PLA2G4A: variants seen among roughly 807,000 people sequenced by gnomAD.
PLA2G4A encodes the protein cytosolic phospholipase A2.
Under a neutral mutation model 81.9 loss-of-function variants are expected in PLA2G4A, and 40 were observed. The observed-to-expected ratio is 0.49, with a 90% CI of 0.38 to 0.64. The LOEUF is 0.64. Ranked by LOEUF, PLA2G4A falls within the 30% of genes least tolerant of loss-of-function variation. The pLI, the probability that PLA2G4A is intolerant of heterozygous loss-of-function variation, is 0.00. For synonymous variants in PLA2G4A, 302 were observed against 296.9 expected, an observed-to-expected ratio of 1.02 and a Z score of -0.18; for missense variants, 715 against 905.1, an observed-to-expected ratio of 0.79 and a Z score of 2.69.
chr1:186,975,020 C>G (rs1448345808), intron 15 of PLA2G4A, among the ~76,000 whole-genome samples: 1 of 152,218 alleles, frequency 6.6e-6, no homozygotes, highest in Non-Finnish European at 1.5e-5. Flanking sequence ...CCACACATCA[C>G]TGGTCATACC....
chr1:186,928,112 A>G (rs569992590), intron 7 of PLA2G4A, among the ~76,000 whole-genome samples: 24 of 152,200 alleles, frequency 1.6e-4, no homozygotes, highest in African/African-American at 5.8e-4. Flanking sequence ...TGGGATATAA[A>G]CAGCCAAGGA....
chr1:186,979,287 C>T (rs1468127227), intron 16 of PLA2G4A, 28 bp from the exon 17 acceptor site: 3 of 1,572,360 alleles, frequency 1.9e-6, no homozygotes, highest in Non-Finnish European at 2.6e-6. Flanking sequence ...TTCAAAATAA[C>T]ACCCTTTGTG....
At chr1:186,876,005 C>T (rs1054760924) in intron 3 of PLA2G4A, among the ~76,000 whole-genome samples, 1 of 152,036 alleles carries the variant, frequency 6.6e-6, no homozygotes, top group African/African-American at 2.4e-5. Context: ...TTTTAGACCA[C>T]GTGCTTTCTT....
intron 14 of PLA2G4A, among the ~76,000 whole-genome samples, chr1:186,963,748 T>C (rs867930658): frequency 1.3e-5 from 2 of 152,216 alleles, no homozygotes; most frequent in African/African-American, 4.8e-5. Context: ...TTTTAATAGA[T>C]GTAAGGAAAC....
rs560558865 is a variant in PLA2G4A, at chr1:186,932,755, C to G, written c.559-8C>G. On this transcript the variant is annotated splice_region_variant and splice_polypyrimidine_tract_variant and intron_variant, in intron 7 of 17. Transcript: ENST00000367466. ...TTGTGTACAAATCTCTCTGTTGCAT[C>G]GTTTCAGGTGCCTGTGGTAGCCATA... The G allele has an allele frequency of 3.1e-6, 5 of 1,612,914 alleles. No homozygotes were observed. The South Asian group carries it at 4.4e-5, about 14-fold the overall frequency.
At position 186,946,754 on chromosome 1, in the gene PLA2G4A, A is replaced by G. The variant is rs770521684; in HGVS notation, c.1151A>G (p.Asn384Ser). The change falls in exon 11 of 18, where the codon AAC (asparagine) becomes AGC (serine). Residue 384 changes from asparagine to serine, a missense_variant. By Grantham distance (46) the Asn-to-Ser change is conservative. Coordinates refer to ENST00000367466, the MANE Select transcript of PLA2G4A (RefSeq NM_024420.3). ...ACAGTCGTTAAGAAGTATGAAGAAA[A>G]CCCCTTGCATTTCTTAATGGGTAAG... ...MGTVVKKYEENPLHFLMGVWG... is the reference protein window; with the variant it reads ...MGTVVKKYEESPLHFLMGVWG... The G allele has an allele frequency of 7.4e-6, 12 of 1,611,836 alleles. No homozygotes were observed. The South Asian group carries it at 1.1e-4, about 15-fold the overall frequency.
chr1:186,935,657 A>G (rs937947762), intron 8 of PLA2G4A, among the ~76,000 whole-genome samples: 4 of 152,124 alleles, frequency 2.6e-5, no homozygotes, highest in Admixed American at 6.6e-5. Flanking sequence ...GGTGGCCAGG[A>G]TGATTCATGT....
chr1:186,900,407 C>A (rs765329244), intron 5 of PLA2G4A, among the ~76,000 whole-genome samples: 3 of 152,078 alleles, frequency 2.0e-5, no homozygotes, highest in Non-Finnish European at 2.9e-5. Context: ...TATAATTGAC[C>A]AGATTTAACT....
chr1:186,971,334 CA>C (rs931979067), intron 15 of PLA2G4A, among the ~76,000 whole-genome samples: 1 of 151,868 alleles, frequency 6.6e-6, no homozygotes, highest in Non-Finnish European at 1.5e-5. Context: ...AGCATGTCTC[CA>C]ATCACTCCTT....
chr1:186,936,069 C>T (rs1655932727), intron 8 of PLA2G4A, among the ~76,000 whole-genome samples: 1 of 151,928 alleles, frequency 6.6e-6, no homozygotes, highest in Non-Finnish European at 1.5e-5. Context: ...GTACAGCTTT[C>T]TTCCTCAGCT....
chr1:186,963,113 C>T (rs1276372497), intron 14 of PLA2G4A, among the ~76,000 whole-genome samples: 1 of 152,034 alleles, frequency 6.6e-6, no homozygotes, highest in East Asian at 1.9e-4. Context: ...TATGAAATTT[C>T]TGATACATAA....
intron 7 of PLA2G4A, among the ~76,000 whole-genome samples, chr1:186,919,655 C>A (rs1655274692): frequency 6.6e-6 from 1 of 152,168 alleles, no homozygotes; most frequent in African/African-American, 2.4e-5. Context: ...CACCTGACTG[C>A]GGATCTTCCC....
At chr1:186,883,858 A>G (rs950550686) in intron 3 of PLA2G4A, among the ~76,000 whole-genome samples, 5 of 152,172 alleles carry the variant, frequency 3.3e-5, no homozygotes, top group African/African-American at 1.2e-4. Context: ...AGAGGACAGT[A>G]GGTTGGAAAC....
rs564674140 is a variant in PLA2G4A at position 186,838,180 on chromosome 1, A to G, written c.-70+9145A>G. Among the ~76,000 whole-genome samples the G allele has an allele frequency of 8.7e-4, 133 of 152,280 alleles. 1 individual carries two copies. Among genetic ancestry groups the G allele is most frequent in the African/African-American group, 2.9e-3 (122 of 41,542 alleles). On this transcript the variant is annotated intron_variant, in intron 1 of 17. Coordinates refer to ENST00000367466, the MANE Select transcript of PLA2G4A (RefSeq NM_024420.3). ...GAGAACCTCTGTGGGTTTTGAGAAT[A>G]TGGACTTAAATTAAAACTAGCCTTC...
At chr1:186,930,253 C>T (rs10158652) in intron 7 of PLA2G4A, among the ~76,000 whole-genome samples, 44,689 of 152,062 alleles carry the variant, frequency 0.29, 8,674 homozygotes, top group African/African-American at 0.54. Context: ...AATATCTGAA[C>T]ATTTTCCTTC....
chr1:186,891,339 C>A (rs1250359012), intron 3 of PLA2G4A, among the ~76,000 whole-genome samples: 1 of 152,028 alleles, frequency 6.6e-6, no homozygotes, highest in East Asian at 1.9e-4. Context: ...TTTAAGTGAA[C>A]AATTAGGTTA....
At chr1:186,857,588 TTA>T (rs1050336211) in intron 2 of PLA2G4A, among the ~76,000 whole-genome samples, 2 of 144,058 alleles carry the variant, frequency 1.4e-5, no homozygotes, top group African/African-American at 5.1e-5. Context: ...ATAAAATATA[TTA>T]TATATATTTA....
intron 7 of PLA2G4A, among the ~76,000 whole-genome samples, chr1:186,932,479 T>G (rs923965696): frequency 4.6e-5 from 7 of 151,898 alleles, no homozygotes; most frequent in Non-Finnish European, 8.8e-5. Flanking sequence ...TTTTGTGTTT[T>G]TTGTAGAGAT....
intron 5 of PLA2G4A, among the ~76,000 whole-genome samples, chr1:186,901,954 C>T (rs1654554398): frequency 6.6e-6 from 1 of 152,096 alleles, no homozygotes; most frequent in African/African-American, 2.4e-5. Flanking sequence ...CTATATGTTG[C>T]TTAACAATGG....
Sources: gnomAD v4.1 joint callset for allele counts (sites outside exome capture counted in the v4.1 genomes callset) on GRCh38, gnomAD v4.1.1 for gene constraint, MANE v1.5 for transcripts, NCBI Gene and HGNC (gene_info 2026-07-23, HGNC 2026-07-21) for gene names.